Variants in HMCN1 observed in about 807,000 individuals in gnomAD.
The protein encoded by HMCN1 is hemicentin-1.
A neutral mutation model predicts 625.9 loss-of-function variants in HMCN1; 321 were observed. The ratio of observed to expected loss-of-function variants is 0.51; its 90% CI spans 0.47 to 0.56. HMCN1 has a LOEUF of 0.56. Among genes scored for constraint, HMCN1 ranks in the 20% least tolerant of loss-of-function variants. The pLI, the probability that HMCN1 is intolerant of heterozygous loss-of-function variation, is 0.00. For missense variants in HMCN1, 6,588 were observed against 6,887.3 expected, an observed-to-expected ratio of 0.96 and a Z score of 1.54; for synonymous variants, 2,425 against 2,417.6, an observed-to-expected ratio of 1.00 and a Z score of -0.09.
At chr1:186,055,100 A>G (rs1056803086) in intron 44 of HMCN1, among the ~76,000 whole-genome samples, 1 of 152,018 alleles carries the variant, frequency 6.6e-6, no homozygotes, top group Non-Finnish European at 1.5e-5. Flanking sequence ...AGGCAGGGCT[A>G]CAAGTGATAA....
chr1:186,158,316 C>T (rs1303485680), intron 97 of HMCN1, among the ~76,000 whole-genome samples: 1 of 151,182 alleles, frequency 6.6e-6, no homozygotes. Flanking sequence ...TGTTTGAGTT[C>T]ATTGTAGATT....
intron 97 of HMCN1, among the ~76,000 whole-genome samples, chr1:186,162,449 T>G (rs1467769623): frequency 1.3e-5 from 2 of 150,312 alleles, no homozygotes; most frequent in Non-Finnish European, 3.0e-5. Flanking sequence ...CTTTATTCCA[T>G]TGCTGGTGAG....
chr1:186,153,465 T>C (rs373785236), intron 96 of HMCN1, among the ~76,000 whole-genome samples: 1 of 152,184 alleles, frequency 6.6e-6, no homozygotes, highest in Non-Finnish European at 1.5e-5. Context: ...TCCGCCACTT[T>C]GTACCAATGT....
intron 83 of HMCN1, among the ~76,000 whole-genome samples, chr1:186,129,208 A>C (rs1287728594): frequency 6.6e-6 from 1 of 151,642 alleles, no homozygotes; most frequent in East Asian, 1.9e-4. Context: ...ATTTAAAAAA[A>C]AAAAACTTAA....
At chr1:185,740,342 G>A (rs56023605) in intron 1 of HMCN1, among the ~76,000 whole-genome samples, 6,815 of 152,278 alleles carry the variant, frequency 0.045, 212 homozygotes, top group South Asian at 0.071. Context: ...CTTGCATGAA[G>A]TTGGTGGCTG....
chr1:186,131,345 A>T (rs750256749), intron 85 of HMCN1, among the ~76,000 whole-genome samples: 10 of 152,104 alleles, frequency 6.6e-5, no homozygotes, highest in Admixed American at 2.0e-4. Flanking sequence ...TCTGTTATGA[A>T]ATTATTTCTA....
At chr1:185,974,585 C>G (rs959915286) in intron 15 of HMCN1, among the ~76,000 whole-genome samples, 1 of 152,136 alleles carries the variant, frequency 6.6e-6, no homozygotes, top group African/African-American at 2.4e-5. Flanking sequence ...CCCATAGTTT[C>G]ATTAATGTAT....
intron 24 of HMCN1, among the ~76,000 whole-genome samples, chr1:185,996,385 T>G (rs1652793439): frequency 6.6e-6 from 1 of 152,132 alleles, no homozygotes; most frequent in South Asian, 2.1e-4. Flanking sequence ...GAAGGCCAGC[T>G]GGCTGCATTC....
At chr1:185,791,789 A>T (rs1235550380) in intron 1 of HMCN1, among the ~76,000 whole-genome samples, 2 of 152,192 alleles carry the variant, frequency 1.3e-5, no homozygotes, top group Non-Finnish European at 2.9e-5. Context: ...TTCTTCATAT[A>T]TTCAAACTGG....
chr1:186,033,294 G>A (rs1458651104), intron 36 of HMCN1, among the ~76,000 whole-genome samples: 1 of 152,100 alleles, frequency 6.6e-6, no homozygotes, highest in African/African-American at 2.4e-5. Context: ...GGGATTCAGG[G>A]GGAAGTGTGA....
chr1:186,091,884 G>A (rs941797562), intron 64 of HMCN1, among the ~76,000 whole-genome samples: 2 of 151,862 alleles, frequency 1.3e-5, no homozygotes, highest in South Asian at 2.1e-4. Context: ...TGTATTCATT[G>A]TGTATTAAAA....
intron 30 of HMCN1, among the ~76,000 whole-genome samples, chr1:186,012,445 A>C (rs1654065264): frequency 6.6e-6 from 1 of 151,964 alleles, no homozygotes; most frequent in Non-Finnish European, 1.5e-5. Context: ...AAACAAGAAC[A>C]GGTGAGCAGT....
chr1:186,132,084 A>G (rs1279179089), intron 85 of HMCN1, among the ~76,000 whole-genome samples: 1 of 152,124 alleles, frequency 6.6e-6, no homozygotes, highest in Admixed American at 6.6e-5. Flanking sequence ...CTGGAGATCA[A>G]TGATAGGCTA....
intron 29 of HMCN1, among the ~76,000 whole-genome samples, chr1:186,004,245 A>G (rs1156374726): frequency 3.3e-5 from 5 of 152,190 alleles, no homozygotes; most frequent in Non-Finnish European, 1.5e-5. Flanking sequence ...GCAAAAAGGA[A>G]CTACAGATAT....
At chr1:185,739,183 G>C (rs1157822298) in intron 1 of HMCN1, among the ~76,000 whole-genome samples, 1 of 152,192 alleles carries the variant, frequency 6.6e-6, no homozygotes, top group Non-Finnish European at 1.5e-5. Context: ...CCATGTCACT[G>C]AAAAGGACAT....
chr1:185,968,009 A>C (rs1650542362), intron 14 of HMCN1, among the ~76,000 whole-genome samples: 1 of 152,184 alleles, frequency 6.6e-6, no homozygotes, highest in Non-Finnish European at 1.5e-5. Flanking sequence ...GAGAATCAAA[A>C]CACTACTGAA....
intron 11 of HMCN1, among the ~76,000 whole-genome samples, chr1:185,942,915 T>C (rs1668154387): frequency 2.0e-5 from 3 of 152,008 alleles, no homozygotes; most frequent in Admixed American, 6.6e-5. Flanking sequence ...AGGCATTTTA[T>C]TTACTTTTTT....
At chr1:185,810,158 A>C (rs1456055091) in intron 1 of HMCN1, among the ~76,000 whole-genome samples, 2 of 152,140 alleles carry the variant, frequency 1.3e-5, no homozygotes, top group Non-Finnish European at 2.9e-5. Flanking sequence ...AAATAGAACG[A>C]GGAGGAGACA....
intron 41 of HMCN1, among the ~76,000 whole-genome samples, chr1:186,046,473 C>A (rs112329339): frequency 1.3e-5 from 2 of 149,700 alleles, no homozygotes; most frequent in Non-Finnish European, 1.5e-5. Flanking sequence ...TCTCAAACAA[C>A]AAAAAAAAAA....
Sources: allele counts gnomAD v4.1 joint callset (sites outside exome capture counted in the v4.1 genomes callset), GRCh38; gene constraint gnomAD v4.1.1; transcripts MANE v1.5; gene names NCBI Gene and HGNC (gene_info 2026-07-23, HGNC 2026-07-21).